The following IL16 variants were observed in gnomAD, a reference collection of about 807,000 sequenced individuals.
IL16 encodes interleukin 16.
IL16 carries 67 observed loss-of-function variants against 110.1 expected under a neutral mutation model. The ratio of observed to expected loss-of-function variants is 0.61; its 90% CI spans 0.50 to 0.75. IL16 has a LOEUF of 0.75. Among genes scored for constraint, IL16 ranks in the 30% least tolerant of loss-of-function variants. The pLI is 0.00. For missense variants in IL16, 1,545 were observed against 1,655.0 expected, an observed-to-expected ratio of 0.93 and a Z score of 1.15; for synonymous variants, 689 against 662.9, an observed-to-expected ratio of 1.04 and a Z score of -0.61.
intron 1 of IL16, among the ~76,000 whole-genome samples, chr15:81,214,762 A>T (rs1468727324): frequency 6.6e-6 from 1 of 152,152 alleles, no homozygotes; most frequent in African/African-American, 2.4e-5. Context: ...AATGCCAATG[A>T]ATTGTAGATT....
intron 11 of IL16, 94 bp downstream of exon 11, chr15:81,290,634 T>C (rs1296273219): frequency 1.3e-6 from 1 of 793,874 alleles, no homozygotes; most frequent in Admixed American, 2.5e-5. Context: ...CAAGGAATAG[T>C]AACAGCATTT....
chr15:81,232,066 T>TTC, intron 2 of IL16, among the ~76,000 whole-genome samples: 1 of 141,696 alleles, frequency 7.1e-6, no homozygotes, highest in Non-Finnish European at 1.5e-5. Context: ...TTTTTTTTTT[T>TTC]CTTTTTTTTT....
At chr15:81,294,504 G>A (rs1899892140) in intron 12 of IL16, among the ~76,000 whole-genome samples, 1 of 152,198 alleles carries the variant, frequency 6.6e-6, no homozygotes, top group Admixed American at 6.5e-5. Context: ...TAAGGCGTCT[G>A]GAGAAGGAAC....
Position 81,308,961 on chromosome 15 carries a change from A to G in IL16, c.*163A>G, listed in dbSNP as rs1900713856. The G allele has an allele frequency of 3.6e-6, 2 of 547,954 alleles. No homozygotes were observed. Among genetic ancestry groups the G allele is most frequent in the Admixed American group, 7.4e-5 (2 of 26,928 alleles). The allele number at this position is 547,954 out of a possible 1,614,324, so 33.9% of individuals were successfully genotyped here. On this transcript the variant is annotated 3_prime_UTR_variant, in exon 19 of 19. Coordinates refer to ENST00000683961, the MANE Select transcript of IL16 (RefSeq NM_172217.5). ...GCCCAGACCTTCTAGGACGCCACCC[A>G]GCAAAAGGTTGTTCCTAAAATAAGG... is the stretch of plus-strand genomic sequence containing the variant.
chr15:81,291,155 T>C (rs1899698972), intron 11 of IL16, among the ~76,000 whole-genome samples: 1 of 152,180 alleles, frequency 6.6e-6, no homozygotes, highest in South Asian at 2.1e-4. Context: ...CCATGGAACA[T>C]CCTTATGAAA....
rs1567052670 is a variant in IL16 at position 81,311,197 on chromosome 15, G to A, written c.*2399G>A. ...GCAATGCCATCCTCAAACACTGCAG[G>A]CATCACAGCTAACAATTGTGAAGTC... On this transcript the variant is annotated 3_prime_UTR_variant, in exon 19 of 19. Coordinates refer to ENST00000683961, the MANE Select transcript of IL16 (RefSeq NM_172217.5). 1 of 152,166 alleles carries A rather than the reference G, an allele frequency of 6.6e-6. No individual in the cohort carries two copies. Among genetic ancestry groups the A allele is most frequent in the East Asian group, 1.9e-4 (1 of 5,194 alleles). The allele number at this position is 152,166 out of a possible 1,614,324, so 9.4% of individuals were successfully genotyped here. A position where few individuals can be genotyped will look rare whatever the true frequency, so the allele number is the denominator to read the frequency against.
intron 3 of IL16, among the ~76,000 whole-genome samples, 194 bp from the exon 4 acceptor site, chr15:81,265,465 C>A (rs1898333424): frequency 6.6e-6 from 1 of 152,150 alleles, no homozygotes; most frequent in South Asian, 2.1e-4. Flanking sequence ...GTACAGACAG[C>A]ATGCGTGGAG....
In IL16 at chr15:81,313,508, C is replaced by G; in HGVS notation, c.*4710C>G. 1 of 1,143,676 alleles carries G rather than the reference C, an allele frequency of 8.7e-7. No homozygotes were observed. The highest frequency in any genetic ancestry group is 1.2e-6 in the Non-Finnish European group (1 of 844,818). 70.8% of individuals were successfully genotyped at this position (1,143,676 alleles called of 1,614,324 possible). A position where few individuals can be genotyped will look rare whatever the true frequency, so the allele number is the denominator to read the frequency against. On this transcript the variant is annotated 3_prime_UTR_variant, in exon 19 of 19. Coordinates refer to ENST00000683961, the MANE Select transcript of IL16 (RefSeq NM_172217.5). ...CAGCCCAGTGGAAATGGCCATGATA[C>G]AGTGATCGCGTCTCATCCCTTGCTG...
rs758930625 is a variant in IL16, at chr15:81,285,675, G to T, written c.1200-23G>T. The T allele has an allele frequency of 3.1e-6, 5 of 1,612,968 alleles. No individual in the cohort carries two copies. In the African/African-American group the frequency reaches 5.3e-5, roughly 17 times the overall value. On this transcript the variant is annotated intron_variant, in intron 9 of 18. Coordinates refer to ENST00000683961, the MANE Select transcript of IL16 (RefSeq NM_172217.5). ...TGTCTCATTGATTCACTTACTGATG[G>T]CTTCTTATTGATGCTTGCACAGGTG...
intron 4 of IL16, among the ~76,000 whole-genome samples, chr15:81,266,064 T>C (rs1323623644): frequency 6.6e-6 from 1 of 152,242 alleles, no homozygotes; most frequent in African/African-American, 2.4e-5. Flanking sequence ...AGCTAACATG[T>C]AGAGAACACG....
chr15:81,299,365 G>C lies in IL16; in HGVS notation c.2054-15G>C. ...TGATGTAATGCACAGCTTTGGCCTT[G>C]TTTCTGCACTGTAGTGACCCAAACA... On this transcript the variant is annotated splice_polypyrimidine_tract_variant and intron_variant, in intron 13 of 18. Coordinates refer to ENST00000683961, the MANE Select transcript of IL16 (RefSeq NM_172217.5). 1 of 1,610,058 alleles carries C rather than the reference G, an allele frequency of 6.2e-7. No homozygotes were observed. Among genetic ancestry groups the C allele is most frequent in the Non-Finnish European group, 8.5e-7 (1 of 1,180,000 alleles).
At chr15:81,263,127 C>T (rs962017914) in intron 3 of IL16, among the ~76,000 whole-genome samples, 21 of 152,060 alleles carry the variant, frequency 1.4e-4, no homozygotes, top group African/African-American at 4.8e-4. Flanking sequence ...ATTAATTACC[C>T]AATTAAGTTT....
intron 4 of IL16, among the ~76,000 whole-genome samples, chr15:81,267,128 C>T (rs1048348410): frequency 6.6e-6 from 1 of 152,172 alleles, no homozygotes; most frequent in Non-Finnish European, 1.5e-5. Flanking sequence ...GAGGATTGGG[C>T]TAGCGGGTAC....
rs1007581796 is a variant in IL16 at position 81,308,831 on chromosome 15, A to C, written c.*33A>C. ...ATGCTGAAGCCAAAGCCAATAACAC[A>C]CAGCTAACACACAGCTCCCATAACC... On this transcript the variant is annotated 3_prime_UTR_variant, in exon 19 of 19. Transcript: ENST00000683961. 2.6e-6 allele frequency: 4 copies of C among 1,551,716 alleles called. No homozygotes were observed. Among genetic ancestry groups the C allele is most frequent in the Non-Finnish European group, 3.5e-6 (4 of 1,136,246 alleles).
At chr15:81,183,713 C>T (rs938261535) in intron 1 of IL16, among the ~76,000 whole-genome samples, 3 of 152,206 alleles carry the variant, frequency 2.0e-5, no homozygotes, top group Non-Finnish European at 4.4e-5. Flanking sequence ...TTAAGGCATC[C>T]GCTGAAGTCT....
chr15:81,215,554 C>T (rs1379928888), intron 1 of IL16, among the ~76,000 whole-genome samples: 2 of 152,186 alleles, frequency 1.3e-5, no homozygotes, highest in African/African-American at 4.8e-5. Context: ...TTCACCAGGT[C>T]TGCTCATGAG....
At chr15:81,305,828 A>C in intron 16 of IL16, 80 bp from the exon 17 acceptor site, 2 of 1,520,942 alleles carry the variant, frequency 1.3e-6, no homozygotes, top group Non-Finnish European at 1.8e-6. Context: ...AGCATTGACT[A>C]ACCGGTTCAA....
upstream of IL16, among the ~76,000 whole-genome samples, chr15:81,192,408 C>T (rs541338240): frequency 6.6e-6 from 1 of 151,822 alleles, no homozygotes; most frequent in Non-Finnish European, 1.5e-5. Context: ...CAAGACCAGC[C>T]TGGGCAACAC....
chr15:81,267,348 G>A (rs1437054984), intron 4 of IL16, among the ~76,000 whole-genome samples: 1 of 152,182 alleles, frequency 6.6e-6, no homozygotes, highest in Non-Finnish European at 1.5e-5. Flanking sequence ...ACAGGAGTGG[G>A]AGACTCAGTT....
Sources: allele counts gnomAD v4.1 joint callset (sites outside exome capture counted in the v4.1 genomes callset), GRCh38; gene constraint gnomAD v4.1.1; transcripts MANE v1.5; gene names NCBI Gene and HGNC (gene_info 2026-07-23, HGNC 2026-07-21).